The following GRIA3 variants were observed in gnomAD, a reference collection of about 807,000 sequenced individuals.
The protein encoded by GRIA3 is glutamate receptor 3.
A neutral mutation model predicts 63.0 loss-of-function variants in GRIA3; 3 were observed. The observed-to-expected ratio is 0.05, with a 90% CI of 0.02 to 0.12. The LOEUF (loss-of-function observed/expected upper bound fraction) is 0.12, where lower values mean the gene tolerates loss of function less well. Among genes scored for constraint, GRIA3 ranks in the 10% least tolerant of loss-of-function variants. GRIA3 has a pLI of 1.00. For missense variants in GRIA3, 347 were observed against 700.9 expected (o/e 0.50, Z 5.70); for synonymous variants, 274 against 257.9 (o/e 1.06, Z -0.60).
At chrX:123,413,420 T>A (rs956772028) in intron 10 of GRIA3, among the ~76,000 whole-genome samples, 3 of 106,568 alleles carry the variant, frequency 2.8e-5, no homozygotes. Flanking sequence ...TAGAGGGGTA[T>A]TTGCATGCTC....
At chrX:123,238,960 T>C (rs987786008) in intron 2 of GRIA3, among the ~76,000 whole-genome samples, 2 of 110,542 alleles carry the variant, frequency 1.8e-5, no homozygotes, top group African/African-American at 6.5e-5. Flanking sequence ...AGAGTAGAAC[T>C]CTGTATATCT....
chrX:123,275,957 C>T (rs1172486377), intron 3 of GRIA3, among the ~76,000 whole-genome samples: 1 of 112,152 alleles, frequency 8.9e-6, no homozygotes, highest in Non-Finnish European at 1.9e-5. Context: ...TTTATATCTG[C>T]ATACATTTCC....
intron 5 of GRIA3, among the ~76,000 whole-genome samples, chrX:123,360,250 A>G (rs925723229): frequency 1.2e-4 from 13 of 110,936 alleles, no homozygotes; most frequent in African/African-American, 4.3e-4. Flanking sequence ...TACCCACCCA[A>G]GCTTCTCAGT....
At chrX:123,201,669 C>T (rs933221602) in intron 2 of GRIA3, among the ~76,000 whole-genome samples, 1 of 107,428 alleles carries the variant, frequency 9.3e-6, no homozygotes, top group Non-Finnish European at 1.9e-5. Context: ...AAAGCAATCA[C>T]TGCAGATCCT....
chrX:123,382,039 G>A (rs1331830500), intron 5 of GRIA3, among the ~76,000 whole-genome samples: 2 of 112,273 alleles, frequency 1.8e-5, no homozygotes, highest in Non-Finnish European at 3.8e-5. Context: ...GAACCAGAGT[G>A]ACAAACAAGT....
At chrX:123,361,736 A>T (rs1051904792) in intron 5 of GRIA3, among the ~76,000 whole-genome samples, 3 of 110,933 alleles carry the variant, frequency 2.7e-5, no homozygotes, top group African/African-American at 9.9e-5. Context: ...ACAAGGAAAG[A>T]TCATTTCCTA....
At chrX:123,370,452 A>T (rs745499230) in intron 5 of GRIA3, among the ~76,000 whole-genome samples, 1 of 111,996 alleles carries the variant, frequency 8.9e-6, no homozygotes, top group South Asian at 3.7e-4. Context: ...ACACAGGGAA[A>T]CCAAGAGTAA....
chrX:123,459,528 G>C (rs2045781295), intron 12 of GRIA3, among the ~76,000 whole-genome samples: 1 of 112,088 alleles, frequency 8.9e-6, no homozygotes, highest in Admixed American at 9.4e-5. Context: ...TGCTATTTGG[G>C]ATTAATCTGT....
intron 2 of GRIA3, among the ~76,000 whole-genome samples, chrX:123,214,884 C>A (rs1401007105): frequency 9.0e-6 from 1 of 111,715 alleles, no homozygotes; most frequent in African/African-American, 3.3e-5. Context: ...AAGTCAGGAG[C>A]CCTACCTCAG....
intron 3 of GRIA3, among the ~76,000 whole-genome samples, chrX:123,314,587 C>A (rs771393885): frequency 8.9e-6 from 1 of 112,173 alleles, no homozygotes; most frequent in Non-Finnish European, 1.9e-5. Flanking sequence ...TTTCAGCTGA[C>A]AATGCAAAGC....
At chrX:123,275,025 A>G (rs1451827946) in intron 3 of GRIA3, among the ~76,000 whole-genome samples, 2 of 111,342 alleles carry the variant, frequency 1.8e-5, no homozygotes, top group East Asian at 5.6e-4. Context: ...ACTAAATTAG[A>G]ACACAAACAG....
intron 3 of GRIA3, among the ~76,000 whole-genome samples, chrX:123,291,331 G>A (rs747210387): frequency 9.0e-6 from 1 of 111,258 alleles, no homozygotes; most frequent in Admixed American, 9.6e-5. Context: ...AGTAGTAAAA[G>A]CCTTCAAGCA....
chrX:123,415,009 G>A (rs971032254), intron 10 of GRIA3, among the ~76,000 whole-genome samples: 3 of 111,916 alleles, frequency 2.7e-5, no homozygotes, highest in Non-Finnish European at 5.6e-5. Context: ...TGTCTTCCAC[G>A]ATGGTTGAAC....
At chrX:123,277,320 T>G (rs2044560451) in intron 3 of GRIA3, among the ~76,000 whole-genome samples, 1 of 111,637 alleles carries the variant, frequency 9.0e-6, no homozygotes, top group African/African-American at 3.3e-5. Context: ...TTATTGACTA[T>G]AGTTGCCCTA....
At chrX:123,195,291 G>C (rs1927545524) in intron 2 of GRIA3, among the ~76,000 whole-genome samples, 1 of 112,202 alleles carries the variant, frequency 8.9e-6, no homozygotes, top group Non-Finnish European at 1.9e-5. Flanking sequence ...TTATCTCATG[G>C]AATCATCACA....
chrX:123,195,932 T>C (rs1603019131), intron 2 of GRIA3, among the ~76,000 whole-genome samples: 1 of 111,863 alleles, frequency 8.9e-6, no homozygotes, highest in South Asian at 3.8e-4. Context: ...TAGTAGCTTT[T>C]CATGACTGAG....
chrX:123,252,914 G>C (rs1165801408), intron 2 of GRIA3, among the ~76,000 whole-genome samples: 1 of 111,913 alleles, frequency 8.9e-6, no homozygotes, highest in Non-Finnish European at 1.9e-5. Flanking sequence ...AGGAATGAAG[G>C]GTGGTACAAA....
chrX:123,297,968 A>G (rs761115745), intron 3 of GRIA3, among the ~76,000 whole-genome samples: 2 of 110,941 alleles, frequency 1.8e-5, no homozygotes, highest in East Asian at 5.6e-4. Context: ...AAATAAGAAC[A>G]TGCGGTATTT....
In GRIA3 at chrX:123,287,409, G is replaced by A. The variant is rs191397796; in HGVS notation, c.508+33867G>A. 5.6e-4 allele frequency among the ~76,000 whole-genome samples: 63 copies of A among 111,549 alleles called. No homozygotes were observed. The East Asian group carries it at 0.015, about 26-fold the overall frequency. On this transcript the variant is annotated intron_variant, in intron 3 of 15. Coordinates refer to ENST00000620443, the MANE Select transcript of GRIA3 (RefSeq NM_007325.5). ...TATTCAACATAGTATTGGAAGTTCCGGCCAGGGCAATCAGGCAAGAGAAAG... is the reference window on the plus strand; with the variant it reads ...TATTCAACATAGTATTGGAAGTTCCAGCCAGGGCAATCAGGCAAGAGAAAG...
Sources: allele counts gnomAD v4.1 joint callset (sites outside exome capture counted in the v4.1 genomes callset), GRCh38; gene constraint gnomAD v4.1.1; transcripts MANE v1.5; gene names NCBI Gene and HGNC (gene_info 2026-07-23, HGNC 2026-07-21).